ZNF366: variants seen among roughly 807,000 people sequenced by gnomAD.
The protein encoded by ZNF366 is dendritic cell-specific transcript protein.
A neutral mutation model predicts 47.2 loss-of-function variants in ZNF366; 20 were observed. The ratio of observed to expected loss-of-function variants is 0.42; its 90% CI spans 0.30 to 0.62. ZNF366 has a LOEUF of 0.62. Ranked by LOEUF, ZNF366 falls within the 20% of genes least tolerant of loss-of-function variation. The pLI is 0.16. For missense variants in ZNF366, 987 were observed against 976.3 expected (o/e 1.01, Z -0.15); for synonymous variants, 421 against 395.1 (o/e 1.07, Z -0.78).
At chr5:72,461,531 G>A (rs1293056996) in intron 1 of ZNF366, 21 bp from the exon 2 acceptor site, 1 of 1,518,690 alleles carries the variant, frequency 6.6e-7, no homozygotes, top group Non-Finnish European at 8.8e-7. Context: ...AAAGAAACTT[G>A]TGTGTTTTGG....
At chr5:72,461,936 C>T (rs1451087985) in intron 1 of ZNF366, among the ~76,000 whole-genome samples, 10 of 152,234 alleles carry the variant, frequency 6.6e-5, no homozygotes, top group Non-Finnish European at 1.5e-4. Context: ...GCACTAGACC[C>T]ATTCTGCTGC....
intron 1 of ZNF366, among the ~76,000 whole-genome samples, chr5:72,500,934 A>C (rs1744200861): frequency 6.6e-6 from 1 of 152,228 alleles, no homozygotes; most frequent in Non-Finnish European, 1.5e-5. Context: ...ATTTGTTTTA[A>C]AGAAATTATT....
intron 1 of ZNF366, among the ~76,000 whole-genome samples, chr5:72,476,649 T>C (rs550387808): frequency 1.3e-5 from 2 of 152,200 alleles, no homozygotes; most frequent in Admixed American, 1.3e-4. Context: ...CCATCTGGGG[T>C]CCAGGTAATC....
Position 72,460,477 on chromosome 5 carries a change from G to T in ZNF366, c.1020C>A (p.Arg340=), listed in dbSNP as rs140710763. 1.1e-4 allele frequency: 185 copies of T among 1,613,946 alleles called. No individual in the cohort carries two copies. In the African/African-American group the frequency reaches 2.0e-3, roughly 17 times the overall value. The change falls in exon 2 of 5, where the codon CGC becomes CGA. Residue 340 remains arginine, a synonymous_variant. Transcript: ENST00000318442. ...QHSEVKPHNC[R]VCGRGFAYPS... is the part of the protein sequence containing the mutation. ...GGTAGGCAAAGCCGCGGCCGCACAC[G>T]CGGCAGTTGTGCGGCTTCACCTCGC...
At chr5:72,477,349 G>A (rs1472049464) in intron 1 of ZNF366, among the ~76,000 whole-genome samples, 1 of 152,234 alleles carries the variant, frequency 6.6e-6, no homozygotes, top group African/African-American at 2.4e-5. Context: ...CATTAAGTGT[G>A]GAGGAATGGG....
In ZNF366 at chr5:72,451,890, G is replaced by A. The variant is rs151046252; in HGVS notation, c.1525-4473C>T. Among the ~76,000 whole-genome samples the A allele has an allele frequency of 3.6e-3, 548 of 152,312 alleles. 6 individuals carry two copies. Among genetic ancestry groups the A allele is most frequent in the Non-Finnish European group, 4.8e-3 (325 of 68,020 alleles). ...ATGCCTGTGTGCTCCGGGCCTCCTC[G>A]TCCCGGCCTCCTGGCACCCTTCTCC... On this transcript the variant is annotated intron_variant, in intron 3 of 4. Coordinates refer to ENST00000318442, the MANE Select transcript of ZNF366 (RefSeq NM_152625.3).
intron 1 of ZNF366, among the ~76,000 whole-genome samples, chr5:72,485,846 C>T (rs1295511502): frequency 6.6e-6 from 1 of 152,144 alleles, no homozygotes; most frequent in Non-Finnish European, 1.5e-5. Flanking sequence ...TCTCCAGCCT[C>T]TGGTTGTTCC....
At chr5:72,455,580 G>A (rs923712227) in intron 3 of ZNF366, among the ~76,000 whole-genome samples, 44 of 152,172 alleles carry the variant, frequency 2.9e-4, no homozygotes, top group African/African-American at 1.1e-3. Context: ...CATTTTAGAA[G>A]TAGAGAGAGG....
chr5:72,482,671 C>G (rs564282715), intron 1 of ZNF366, among the ~76,000 whole-genome samples: 2 of 151,748 alleles, frequency 1.3e-5, no homozygotes, highest in African/African-American at 4.8e-5. Context: ...CCACAGGCTC[C>G]GGAGAGCTGT....
intron 4 of ZNF366, 52 bp downstream of exon 4, chr5:72,447,191 C>T (rs2112315367): frequency 6.3e-7 from 1 of 1,597,618 alleles, no homozygotes; most frequent in Non-Finnish European, 8.5e-7. Flanking sequence ...AATTCAGCTC[C>T]CATTTGTTGT....
intron 1 of ZNF366, among the ~76,000 whole-genome samples, chr5:72,468,769 G>T (rs1380444605): frequency 2.6e-5 from 4 of 152,110 alleles, no homozygotes; most frequent in African/African-American, 9.7e-5. Flanking sequence ...ATTTGAGCTT[G>T]GAACAGCTGC....
At chr5:72,484,495 A>AATAATAAT (rs1554032911) in intron 1 of ZNF366, among the ~76,000 whole-genome samples, 3 of 145,844 alleles carry the variant, frequency 2.1e-5, no homozygotes, top group Admixed American at 6.7e-5. Context: ...AAAAAAAAAA[A>AATAATAAT]AATAATAATA....
At chr5:72,475,517 C>G (rs1213912885) in intron 1 of ZNF366, among the ~76,000 whole-genome samples, 1 of 152,162 alleles carries the variant, frequency 6.6e-6, no homozygotes. Flanking sequence ...TTATGAAACT[C>G]AACTGGTAAT....
chr5:72,487,224 A>G (rs1243343354), intron 1 of ZNF366, among the ~76,000 whole-genome samples: 1 of 152,204 alleles, frequency 6.6e-6, no homozygotes, highest in Non-Finnish European at 1.5e-5. Context: ...AATAATGCAT[A>G]ATACTGAAAT....
Position 72,444,053 on chromosome 5 carries a change from C to G in ZNF366, c.1938G>C (p.Glu646Asp). ...CGTGCTCCGACTTGGTGGACAGATC[C>G]TCGGGTGTGCAGAGCTGCTGGCTCT... ...APQSQQLCTPEDLSTKSEHAP... is the reference protein window; with the variant it reads ...APQSQQLCTPDDLSTKSEHAP... The change falls in exon 5 of 5, where the codon GAG becomes GAC. Residue 646 changes from glutamate (E) to aspartate (D), a missense_variant. By Grantham distance (45) the Glu-to-Asp change is conservative. Coordinates refer to ENST00000318442, the MANE Select transcript of ZNF366 (RefSeq NM_152625.3). The G allele has an allele frequency of 6.2e-7, 1 of 1,614,178 alleles. No homozygotes were observed. The highest frequency in any genetic ancestry group is 8.5e-7 in the Non-Finnish European group (1 of 1,180,026).
intron 1 of ZNF366, among the ~76,000 whole-genome samples, chr5:72,482,014 A>G (rs552080890): frequency 3.3e-5 from 5 of 152,288 alleles, no homozygotes; most frequent in Admixed American, 1.3e-4. Context: ...ATCTCGGTTC[A>G]TATATTCCTT....
At chr5:72,486,627 G>A (rs1335092406) in intron 1 of ZNF366, among the ~76,000 whole-genome samples, 3 of 152,190 alleles carry the variant, frequency 2.0e-5, no homozygotes, top group Non-Finnish European at 4.4e-5. Context: ...GGAAAGGACA[G>A]GAGACCTCTG....
chr5:72,444,048 A>G lies in ZNF366; in HGVS notation c.1943T>C (p.Leu648Pro), dbSNP rs1165271107. Reference protein sequence around the residue: ...QSQQLCTPEDLSTKSEHAPEV... With the variant: ...QSQQLCTPEDPSTKSEHAPEV... Reference sequence around the variant, plus strand: ...GGGGGCGTGCTCCGACTTGGTGGACAGATCCTCGGGTGTGCAGAGCTGCTG... The same window carrying G: ...GGGGGCGTGCTCCGACTTGGTGGACGGATCCTCGGGTGTGCAGAGCTGCTG... The change falls in exon 5 of 5, where the codon CTG becomes CCG. Residue 648 changes from leucine (L) to proline (P), a missense_variant. Coordinates refer to ENST00000318442, the MANE Select transcript of ZNF366 (RefSeq NM_152625.3). 1.9e-6 allele frequency: 3 copies of G among 1,614,048 alleles called. No homozygotes were observed. Among genetic ancestry groups the G allele is most frequent in the African/African-American group, 2.7e-5 (2 of 74,934 alleles).
chr5:72,501,087 A>G (rs1243233161), intron 1 of ZNF366, among the ~76,000 whole-genome samples: 1 of 152,234 alleles, frequency 6.6e-6, no homozygotes, highest in Non-Finnish European at 1.5e-5. Flanking sequence ...TGAGGAGAAT[A>G]AGGCACGTAC....
Sources: allele counts gnomAD v4.1 joint callset (sites outside exome capture counted in the v4.1 genomes callset), GRCh38; gene constraint gnomAD v4.1.1; transcripts MANE v1.5; gene names NCBI Gene and HGNC (gene_info 2026-07-23, HGNC 2026-07-21).